The following MC2R variants were observed in gnomAD, a reference collection of about 807,000 sequenced individuals.
MC2R encodes melanocortin 2 receptor, also known as adrenocorticotropic hormone receptor.
MC2R carries 9 observed loss-of-function variants against 9.8 expected under a neutral mutation model. The ratio of observed to expected loss-of-function variants is 0.92; its 90% CI spans 0.55 to 1.60. MC2R has a LOEUF of 1.60. Among genes scored for constraint, MC2R ranks in the 40% most tolerant of loss-of-function variants. The pLI, the probability that MC2R is intolerant of heterozygous loss-of-function variation, is 0.00. For missense variants in MC2R, 370 were observed against 389.0 expected (o/e 0.95, Z 0.41); for synonymous variants, 185 against 154.7 (o/e 1.20, Z -1.45).
chr18:13,902,772 T>G (rs1447963934), intron 1 of MC2R, among the ~76,000 whole-genome samples: 8 of 152,122 alleles, frequency 5.3e-5, no homozygotes, highest in Non-Finnish European at 1.0e-4. Flanking sequence ...CTCCAGGACA[T>G]TGGTCTGGGC....
chr18:13,886,113 G>A (rs1567896206), intron 1 of MC2R, among the ~76,000 whole-genome samples: 1 of 152,148 alleles, frequency 6.6e-6, no homozygotes, highest in Non-Finnish European at 1.5e-5. Context: ...TACCCTATGG[G>A]TAACACGTAT....
chr18:13,914,060 A>ATT (rs11324197), intron 1 of MC2R, among the ~76,000 whole-genome samples: 13,164 of 145,828 alleles, frequency 0.09, 661 homozygotes, highest in Middle Eastern at 0.15. Context: ...AAAGAATAGG[A>ATT]TTTTTTTTTT....
rs1207692329 is a variant in MC2R, at chr18:13,885,435, C to T, written c.84G>A (p.Glu28=). 1 of 1,614,036 alleles carries T rather than the reference C, an allele frequency of 6.2e-7. No homozygotes were observed. The highest frequency in any genetic ancestry group is 2.2e-5 in the East Asian group (1 of 44,870). ...CAATGGAAATTGTGAAAAATATCTC[C>T]TCCGGCAAAACCACACGAGGACAGT... ...NSDCPRVVLP[E]EIFFTISIVG... is the part of the protein sequence containing the mutation. Residue 28 remains glutamate (E), a synonymous_variant, in exon 2 of 2, where the codon GAG becomes GAA. Coordinates refer to ENST00000327606, the MANE Select transcript of MC2R (RefSeq NM_000529.2).
chr18:13,906,243 G>GATGTATACA (rs1255504641), intron 1 of MC2R, among the ~76,000 whole-genome samples: 1 of 152,210 alleles, frequency 6.6e-6, no homozygotes, highest in African/African-American at 2.4e-5. Context: ...GGAATACTAT[G>GATGTATACA]CAGCCATAAA....
chr18:13,905,901 C>T (rs1055032853), intron 1 of MC2R, among the ~76,000 whole-genome samples: 21 of 152,076 alleles, frequency 1.4e-4, no homozygotes, highest in African/African-American at 4.8e-4. Flanking sequence ...ACTAAAAATA[C>T]AAAAATTAGC....
intron 1 of MC2R, among the ~76,000 whole-genome samples, chr18:13,902,024 A>G (rs2045383137): frequency 6.6e-6 from 1 of 152,244 alleles, no homozygotes; most frequent in Admixed American, 6.5e-5. Context: ...ATTCAACAAT[A>G]TATTGGAAAG....
intron 1 of MC2R, among the ~76,000 whole-genome samples, chr18:13,896,130 A>T (rs1056402438): frequency 1.3e-5 from 2 of 152,230 alleles, no homozygotes; most frequent in African/African-American, 4.8e-5. Flanking sequence ...CACACAGGAT[A>T]AAAAGCACGA....
chr18:13,910,271 G>A (rs2045437120), intron 1 of MC2R, among the ~76,000 whole-genome samples: 1 of 152,114 alleles, frequency 6.6e-6, no homozygotes, highest in Admixed American at 6.5e-5. Context: ...CTGTTTCATT[G>A]ATCTATTTGT....
chr18:13,902,927 T>G (rs916267340), intron 1 of MC2R, among the ~76,000 whole-genome samples: 5 of 152,098 alleles, frequency 3.3e-5, no homozygotes, highest in African/African-American at 1.2e-4. Context: ...GAGAAAATAT[T>G]TGCAAACTAC....
At chr18:13,912,215 C>A in intron 1 of MC2R, among the ~76,000 whole-genome samples, 1 of 152,144 alleles carries the variant, frequency 6.6e-6, no homozygotes, top group East Asian at 1.9e-4. Context: ...AGGTTGGAGA[C>A]AGGGCAGAGT....
intron 1 of MC2R, among the ~76,000 whole-genome samples, chr18:13,906,610 T>A (rs1332147293): frequency 6.6e-6 from 1 of 152,156 alleles, no homozygotes; most frequent in African/African-American, 2.4e-5. Context: ...TGTTTGCAGA[T>A]GACATGATGT....
intron 1 of MC2R, among the ~76,000 whole-genome samples, chr18:13,900,174 G>A (rs1426855678): frequency 1.3e-5 from 2 of 152,070 alleles, no homozygotes; most frequent in Admixed American, 6.6e-5. Flanking sequence ...TGCAAACAAT[G>A]TTAAGTTGTT....
intron 1 of MC2R, among the ~76,000 whole-genome samples, chr18:13,885,905 AG>A (rs1361907594): frequency 2.0e-5 from 3 of 152,236 alleles, no homozygotes. Context: ...GCTATCAAAA[AG>A]AATAAGGTCA....
chr18:13,886,759 C>T lies in MC2R; in HGVS notation c.-128-1113G>A, dbSNP rs72556563. ...GCGGCAGTGCACCAGTGGGGAAAGC[C>T]AGCACCACGTGGCGAGGAAGACACT... is the stretch of plus-strand genomic sequence containing the variant. On this transcript the variant is annotated intron_variant, in intron 1 of 1. Transcript: ENST00000327606. Among the ~76,000 whole-genome samples the T allele has an allele frequency of 1.1e-3, 175 of 152,292 alleles. 3 individuals are homozygous for T. In the Middle Eastern group the frequency reaches 0.017, roughly 15 times the overall value.
chr18:13,899,495 C>T (rs147928661), intron 1 of MC2R, among the ~76,000 whole-genome samples: 98 of 152,064 alleles, frequency 6.4e-4, no homozygotes, highest in African/African-American at 2.2e-3. Context: ...GAGAAAGATA[C>T]CAATATGGAA....
chr18:13,892,433 C>A (rs2045320718), intron 1 of MC2R, among the ~76,000 whole-genome samples: 2 of 152,164 alleles, frequency 1.3e-5, no homozygotes, highest in South Asian at 4.1e-4. Context: ...CCGTCCCTCC[C>A]CACCGGCACC....
At chr18:13,912,088 A>G (rs2045447935) in intron 1 of MC2R, among the ~76,000 whole-genome samples, 1 of 152,178 alleles carries the variant, frequency 6.6e-6, no homozygotes, top group South Asian at 2.1e-4. Context: ...ATGTTCAGCA[A>G]TTTTACTTAA....
intron 1 of MC2R, among the ~76,000 whole-genome samples, chr18:13,892,071 C>A (rs534324587): frequency 1.8e-4 from 28 of 152,330 alleles, no homozygotes; most frequent in Non-Finnish European, 3.7e-4. Context: ...CAGTGGTGGC[C>A]TGTGTCCTGA....
At chr18:13,889,457 G>C (rs2045300384) in intron 1 of MC2R, among the ~76,000 whole-genome samples, 1 of 152,266 alleles carries the variant, frequency 6.6e-6, no homozygotes, top group Non-Finnish European at 1.5e-5. Context: ...GCAGACAATT[G>C]GGGTAGTTAT....
Sources: allele counts gnomAD v4.1 joint callset (sites outside exome capture counted in the v4.1 genomes callset), GRCh38; gene constraint gnomAD v4.1.1; transcripts MANE v1.5; gene names NCBI Gene and HGNC (gene_info 2026-07-23, HGNC 2026-07-21).